Variants in TMED5 observed in about 807,000 individuals in gnomAD.
TMED5 encodes transmembrane p24 trafficking protein 5.
TMED5 carries 27 observed loss-of-function variants against 23.0 expected under a neutral mutation model. That is an observed-to-expected ratio of 1.17 (90% confidence interval 0.86 to 1.62). The LOEUF (loss-of-function observed/expected upper bound fraction) is 1.62, where lower values mean the gene tolerates loss of function less well. Among genes scored for constraint, TMED5 ranks in the 40% most tolerant of loss-of-function variants. The pLI is 0.00. For synonymous variants in TMED5, 97 were observed against 100.8 expected, an observed-to-expected ratio of 0.96 and a Z score of 0.23; for missense variants, 248 against 273.7, an observed-to-expected ratio of 0.91 and a Z score of 0.66.
chr1:93,172,114 A>G (rs1471701173), intron 1 of TMED5, among the ~76,000 whole-genome samples: 1 of 152,192 alleles, frequency 6.6e-6, no homozygotes, highest in African/African-American at 2.4e-5. Context: ...ATCACACTTA[A>G]TGGCGAGAAA....
chr1:93,160,880 T>C (rs541231231), intron 1 of TMED5: 3 of 142,356 alleles, frequency 2.1e-5, no homozygotes, highest in African/African-American at 7.8e-5. Flanking sequence ...TTTCAGACAT[T>C]GTATATAACT....
At chr1:93,163,870 G>A (rs1313258464) in intron 1 of TMED5, among the ~76,000 whole-genome samples, 1 of 151,056 alleles carries the variant, frequency 6.6e-6, no homozygotes, top group Non-Finnish European at 1.5e-5. Context: ...GTAATCTCAG[G>A]TACCTGGGAG....
At chr1:93,155,349 T>C (rs1648029147) in intron 3 of TMED5, among the ~76,000 whole-genome samples, 1 of 152,236 alleles carries the variant, frequency 6.6e-6, no homozygotes, top group South Asian at 2.1e-4. Flanking sequence ...AGATTCTCTG[T>C]AAGGTTATAT....
Position 93,180,119 on chromosome 1 carries a change from C to G in TMED5, c.124G>C (p.Ala42Pro). 1 of 1,613,552 alleles carries G rather than the reference C, an allele frequency of 6.2e-7. No homozygotes were observed. The highest frequency in any genetic ancestry group is 8.5e-7 in the Non-Finnish European group (1 of 1,179,710). Residue 42 changes from alanine to proline, a missense_variant, in exon 1 of 4, where the codon GCC becomes CCC. Physicochemically the swap from Ala to Pro is conservative, Grantham distance 27 (BLOSUM62 -1). Transcript: ENST00000370282. Reference protein sequence around the residue: ...LDSDFTFTLPAGQKECFYQPM... With the variant: ...LDSDFTFTLPPGQKECFYQPM... ...TGGTAGAAGCACTCCTTCTGGCCGGCGGGAAGGGTAAAGGTGAAGTCGCTA... is the reference window on the plus strand; with the variant it reads ...TGGTAGAAGCACTCCTTCTGGCCGGGGGGAAGGGTAAAGGTGAAGTCGCTA...
chr1:93,159,071 C>A (rs1287666782), intron 2 of TMED5, among the ~76,000 whole-genome samples: 1 of 152,004 alleles, frequency 6.6e-6, no homozygotes, highest in Non-Finnish European at 1.5e-5. Flanking sequence ...TTTTTTTCCT[C>A]TCATCCATTC....
intron 1 of TMED5, among the ~76,000 whole-genome samples, chr1:93,174,978 T>C (rs1648853142): frequency 6.6e-6 from 1 of 150,494 alleles, no homozygotes; most frequent in Non-Finnish European, 1.5e-5. Flanking sequence ...TATGGTAGAA[T>C]GATTTATATT....
At chr1:93,174,818 A>G (rs1346710045) in intron 1 of TMED5, among the ~76,000 whole-genome samples, 1 of 152,120 alleles carries the variant, frequency 6.6e-6, no homozygotes, top group African/African-American at 2.4e-5. Flanking sequence ...AAAAGACATG[A>G]TCTCATTCTT....
Position 93,154,566 on chromosome 1 carries a change from A to T in TMED5, c.*104T>A. The T allele has an allele frequency of 1.3e-6, 1 of 743,198 alleles. No homozygotes were observed. The highest frequency in any genetic ancestry group is 2.2e-6 in the Non-Finnish European group (1 of 462,456). The allele number at this position is 743,198 out of a possible 1,614,324, so 46.0% of individuals were successfully genotyped here. ...AAAATTATACCTGTTTCCTACTTTTATATCTCAAAATATTTTGGAGAAGAC... is the reference window on the plus strand; with the variant it reads ...AAAATTATACCTGTTTCCTACTTTTTTATCTCAAAATATTTTGGAGAAGAC... On this transcript the variant is annotated 3_prime_UTR_variant, in exon 4 of 4. Transcript: ENST00000370282.
chr1:93,177,521 G>T (rs953193709), intron 1 of TMED5, among the ~76,000 whole-genome samples: 3 of 148,504 alleles, frequency 2.0e-5, no homozygotes, highest in South Asian at 2.2e-4. Context: ...AGGTTGCTGT[G>T]GGCCAAGGTC....
At chr1:93,162,566 C>T (rs1648321228) in intron 1 of TMED5, 1 of 152,192 alleles carries the variant, frequency 6.6e-6, no homozygotes, top group African/African-American at 2.4e-5. Context: ...CACCGTACTT[C>T]AGCCTGGGCA....
At chr1:93,162,082 T>C (rs2101137196) in intron 1 of TMED5, 1 of 151,826 alleles carries the variant, frequency 6.6e-6, no homozygotes, top group East Asian at 1.9e-4. Context: ...TGGAACACTA[T>C]ATAGTACAGC....
At chr1:93,173,896 G>A (rs1328329148) in intron 1 of TMED5, among the ~76,000 whole-genome samples, 3 of 152,068 alleles carry the variant, frequency 2.0e-5, no homozygotes, top group African/African-American at 4.8e-5. Flanking sequence ...ATGGGAAAAG[G>A]TGTGGAAGAG....
At chr1:93,177,305 G>A (rs1177800993) in intron 1 of TMED5, among the ~76,000 whole-genome samples, 3 of 152,182 alleles carry the variant, frequency 2.0e-5, no homozygotes, top group East Asian at 1.9e-4. Flanking sequence ...CCAGCCGGGC[G>A]CGGTGGCTCA....
rs1483641688 is a variant in TMED5, at chr1:93,175,298, C to CCT, written c.189+4754_189+4755dup. ...GTCTTGTTCCACTTACTCCCTTATG[C>CCT]CTATATATATATATATATACACACA... On this transcript the variant is annotated intron_variant, in intron 1 of 3. Transcript: ENST00000370282. Among the ~76,000 whole-genome samples, 18 of 98,910 alleles carry CCT rather than the reference C, an allele frequency of 1.8e-4. No homozygotes were observed. The South Asian group carries it at 5.6e-3, about 31-fold the overall frequency. 64.9% of individuals were successfully genotyped at this position (98,910 alleles called of 152,430 possible). A position where few individuals can be genotyped will look rare whatever the true frequency, so the allele number is the denominator to read the frequency against.
At chr1:93,176,495 A>G (rs917136113) in intron 1 of TMED5, among the ~76,000 whole-genome samples, 13 of 145,440 alleles carry the variant, frequency 8.9e-5, no homozygotes, top group African/African-American at 2.8e-4. Context: ...TGATTGTATG[A>G]GGGCACAGAC....
intron 1 of TMED5, among the ~76,000 whole-genome samples, chr1:93,173,505 C>T (rs1648798839): frequency 6.6e-6 from 1 of 152,092 alleles, no homozygotes; most frequent in Non-Finnish European, 1.5e-5. Context: ...TAAAAAGCTA[C>T]AAGAGAAAAT....
Position 93,151,717 on chromosome 1 carries a change from TAG to T in TMED5, c.*2951_*2952del, listed in dbSNP as rs1422069783. On this transcript the variant is annotated 3_prime_UTR_variant, in exon 4 of 4. Coordinates refer to ENST00000370282, the MANE Select transcript of TMED5 (RefSeq NM_016040.5). ...ATAGAAACAGAACTCCAATGCAAAG[TAG>T]AGTGATGTACAATAAGAGGTGTAGA... 2 of 152,030 alleles carry T rather than the reference TAG, an allele frequency of 1.3e-5. No homozygotes were observed. Among genetic ancestry groups the T allele is most frequent in the Admixed American group, 1.3e-4 (2 of 15,244 alleles). 9.4% of individuals were successfully genotyped at this position (152,030 alleles called of 1,614,324 possible).
At chr1:93,177,584 C>CAAAA (rs11322215) in intron 1 of TMED5, among the ~76,000 whole-genome samples, 3 of 44,424 alleles carry the variant, frequency 6.8e-5, no homozygotes, top group Non-Finnish European at 1.1e-4. Flanking sequence ...GACTCTGTCT[C>CAAAA]AAAAAAAAAA....
chr1:93,164,818 T>G (rs1648432900), intron 1 of TMED5, among the ~76,000 whole-genome samples: 1 of 152,206 alleles, frequency 6.6e-6, no homozygotes. Flanking sequence ...CTTTCTGATA[T>G]TCATACACTT....
Sources: allele counts gnomAD v4.1 joint callset (sites outside exome capture counted in the v4.1 genomes callset), GRCh38; gene constraint gnomAD v4.1.1; transcripts MANE v1.5; gene names NCBI Gene and HGNC (gene_info 2026-07-23, HGNC 2026-07-21).